The following PLCZ1 variants were observed in gnomAD, a reference collection of about 807,000 sequenced individuals.
PLCZ1 encodes the protein 1-phosphatidylinositol 4,5-bisphosphate phosphodiesterase zeta-1.
In PLCZ1, 64 loss-of-function variants were observed where a neutral mutation model predicts 76.8. The ratio of observed to expected loss-of-function variants is 0.83; its 90% CI spans 0.68 to 1.03. The LOEUF is 1.03. Ranked by LOEUF, PLCZ1 falls within the 50% of genes least tolerant of loss-of-function variation. The pLI is 0.00. For missense variants in PLCZ1, 751 were observed against 713.7 expected (o/e 1.05, Z -0.60); for synonymous variants, 248 against 230.8 (o/e 1.07, Z -0.68).
At chr12:18,713,131 C>T in intron 5 of PLCZ1, 145 bp from the exon 6 acceptor site, 14 of 1,106,946 alleles carry the variant, frequency 1.3e-5, no homozygotes, top group Non-Finnish European at 1.8e-5. Context: ...GTCTTTGGGA[C>T]AAGTTTTGAG....
chr12:18,658,387 G>A, the PLCZ1 span, among the ~76,000 whole-genome samples: 5 of 152,174 alleles, frequency 3.3e-5, no homozygotes, highest in South Asian at 4.1e-4. Flanking sequence ...AATGAGACAC[G>A]CTATAATCAA....
the PLCZ1 span, among the ~76,000 whole-genome samples, chr12:18,673,792 G>A: frequency 6.6e-6 from 1 of 152,168 alleles, no homozygotes; most frequent in Non-Finnish European, 1.5e-5. Flanking sequence ...GAAGCATTCA[G>A]CTCCTCACAA....
intron 12 of PLCZ1, among the ~76,000 whole-genome samples, chr12:18,688,599 T>A (rs961610666): frequency 6.6e-6 from 1 of 151,866 alleles, no homozygotes; most frequent in African/African-American, 2.4e-5. Flanking sequence ...GCAATAGAAA[T>A]ATTACTTTTT....
chr12:18,697,399 A>G (rs1262877723), intron 10 of PLCZ1, among the ~76,000 whole-genome samples: 3 of 152,088 alleles, frequency 2.0e-5, no homozygotes, highest in Non-Finnish European at 4.4e-5. Flanking sequence ...ATGCTCCCTT[A>G]TCTAGTCCTA....
chr12:18,668,414 T>C, the PLCZ1 span, among the ~76,000 whole-genome samples: 1 of 152,166 alleles, frequency 6.6e-6, no homozygotes, highest in Non-Finnish European at 1.5e-5. Context: ...ACCTTGCTCA[T>C]CCATCAGAAA....
the PLCZ1 span, among the ~76,000 whole-genome samples, chr12:18,669,410 A>T: frequency 2.0e-5 from 3 of 152,244 alleles, no homozygotes; most frequent in African/African-American, 4.8e-5. Flanking sequence ...AATTATCCTC[A>T]CTTTAAATAA....
chr12:18,667,634 C>T, the PLCZ1 span, among the ~76,000 whole-genome samples: 53 of 152,208 alleles, frequency 3.5e-4, no homozygotes, highest in East Asian at 8.3e-3. Context: ...AAGGAGTTAG[C>T]GTTTATTGAA....
chr12:18,655,433 G>T, the PLCZ1 span, among the ~76,000 whole-genome samples: 1 of 152,160 alleles, frequency 6.6e-6, no homozygotes, highest in African/African-American at 2.4e-5. Context: ...TAGGGAGAAA[G>T]AAACAAAATC....
the PLCZ1 span, among the ~76,000 whole-genome samples, chr12:18,660,429 C>G: frequency 6.6e-6 from 1 of 152,100 alleles, no homozygotes; most frequent in African/African-American, 2.4e-5. Context: ...AAGTGAGATC[C>G]AGGGGGGTTT....
intron 3 of PLCZ1, 67 bp downstream of exon 3, chr12:18,736,154 G>A (rs372875400): frequency 2.6e-4 from 407 of 1,543,174 alleles, no homozygotes; most frequent in South Asian, 1.3e-3. Context: ...ACCTTTATAT[G>A]ACAATTACTG....
rs370550437 is a variant in PLCZ1 at position 18,688,081 on chromosome 12, G to A, written c.1591+8C>T. Reference sequence around the variant, plus strand: ...ATGGAAATTCAATAAGGTATATCAGGAGCTCACCATTTTTTTTAATTACAC... The same window carrying A: ...ATGGAAATTCAATAAGGTATATCAGAAGCTCACCATTTTTTTTAATTACAC... On this transcript the variant is annotated splice_region_variant and intron_variant, in intron 13 of 14. Transcript: ENST00000266505. 6.2e-7 allele frequency: 1 copy of A among 1,609,882 alleles called. No individual in the cohort carries two copies. Among genetic ancestry groups the A allele is most frequent in the African/African-American group, 1.3e-5 (1 of 74,704 alleles).
chr12:18,656,315 C>T, the PLCZ1 span, among the ~76,000 whole-genome samples: 17 of 152,048 alleles, frequency 1.1e-4, no homozygotes, highest in East Asian at 7.8e-4. Context: ...CAGTGGGTCA[C>T]GCCTGTAATC....
chr12:18,688,150 T>C lies in PLCZ1; in HGVS notation c.1530A>G (p.Ile510Met). The C allele has an allele frequency of 1.9e-6, 3 of 1,611,764 alleles. No homozygotes were observed. The highest frequency in any genetic ancestry group is 2.5e-6 in the Non-Finnish European group (3 of 1,179,058). Reference protein sequence around the residue: ...SSNKGDSLVIIEVFGVPNDQM... With the variant: ...SSNKGDSLVIMEVFGVPNDQM... ...GATCATTTGGAACACCAAAAACTTC[T>C]ATAATTACTAATGAATCACCTTTGT... The change falls in exon 13 of 15, where the codon ATA becomes ATG. Residue 510 changes from isoleucine to methionine, a missense_variant. Ile to Met is a conservative substitution (Grantham distance 10). Coordinates refer to ENST00000266505, the MANE Select transcript of PLCZ1 (RefSeq NM_033123.4).
the PLCZ1 span, among the ~76,000 whole-genome samples, chr12:18,650,666 G>GTA: frequency 8.6e-5 from 2 of 23,330 alleles, no homozygotes; most frequent in Admixed American, 6.7e-4. Flanking sequence ...GAATATAAAT[G>GTA]TGTGTGTGTG....
rs1431797440 is a variant in PLCZ1, at chr12:18,697,740, ATCTT to A, written c.1175-1478_1175-1475del. Among the ~76,000 whole-genome samples the A allele has an allele frequency of 2.0e-5, 3 of 152,074 alleles. No homozygotes were observed. In the South Asian group the frequency reaches 6.2e-4, roughly 31 times the overall value. On this transcript the variant is annotated intron_variant, in intron 10 of 14. Coordinates refer to ENST00000266505, the MANE Select transcript of PLCZ1 (RefSeq NM_033123.4). ...TGTTTGTTCCCTTTCACAAACCGTT[ATCTT>A]TATTTACTATAATAATGTGAACATC...
At chr12:18,713,049 T>C in intron 5 of PLCZ1, 63 bp from the exon 6 acceptor site, 1 of 1,584,112 alleles carries the variant, frequency 6.3e-7, no homozygotes. Context: ...TACCAAAGTA[T>C]TAAAATATTC....
chr12:18,709,542 T>C (rs1324738784), intron 6 of PLCZ1, among the ~76,000 whole-genome samples: 1 of 145,830 alleles, frequency 6.9e-6, no homozygotes, highest in Non-Finnish European at 1.5e-5. Flanking sequence ...TTTTTTTTTA[T>C]TTCTATGAAT....
chr12:18,650,987 T>A, the PLCZ1 span, among the ~76,000 whole-genome samples: 1 of 151,826 alleles, frequency 6.6e-6, no homozygotes, highest in Non-Finnish European at 1.5e-5. Context: ...GGTTATATCA[T>A]TCTTCTGTTC....
downstream of PLCZ1, among the ~76,000 whole-genome samples, chr12:18,681,637 A>G (rs1952427559): frequency 6.6e-6 from 1 of 152,086 alleles, no homozygotes; most frequent in African/African-American, 2.4e-5. Context: ...GTTTCAAGAC[A>G]TCATAAGATT....
Sources: allele counts gnomAD v4.1 joint callset (sites outside exome capture counted in the v4.1 genomes callset), GRCh38; gene constraint gnomAD v4.1.1; transcripts MANE v1.5; gene names NCBI Gene and HGNC (gene_info 2026-07-23, HGNC 2026-07-21).